Variants in DEPDC4 observed in about 807,000 individuals in gnomAD.
DEPDC4 encodes the protein DEP domain containing 4.
Under a neutral mutation model 52.0 loss-of-function variants are expected in DEPDC4, and 52 were observed. That is an observed-to-expected ratio of 1.00 (90% CI 0.80 to 1.26). DEPDC4 has a LOEUF of 1.26. Ranked by LOEUF, DEPDC4 falls within the 50% of genes most tolerant of loss-of-function variation. DEPDC4 has a pLI of 0.00. For synonymous variants in DEPDC4, 201 were observed against 196.8 expected (o/e 1.02, Z -0.18); for missense variants, 530 against 546.9 (o/e 0.97, Z 0.31).
intron 4 of DEPDC4, chr12:100,255,825 C>T (rs2096230100): frequency 3.2e-6 from 1 of 317,026 alleles, no homozygotes; most frequent in African/African-American, 2.1e-5. Flanking sequence ...AGATGATTGA[C>T]ATACAAATGA....
chr12:100,237,396 T>C (rs1264581863), downstream of DEPDC4, among the ~76,000 whole-genome samples: 2 of 152,038 alleles, frequency 1.3e-5, no homozygotes, highest in Admixed American at 6.6e-5. Context: ...TTAGTAGAGA[T>C]GGGTTTTCAC....
the DEPDC4 span, among the ~76,000 whole-genome samples, chr12:100,277,796 C>G: frequency 6.6e-6 from 1 of 151,938 alleles, no homozygotes; most frequent in Non-Finnish European, 1.5e-5. Context: ...TTTTCCGCTT[C>G]TTTTTATATT....
intron 7 of DEPDC4, among the ~76,000 whole-genome samples, chr12:100,251,945 A>G (rs943774911): frequency 6.6e-6 from 1 of 152,062 alleles, no homozygotes; most frequent in Non-Finnish European, 1.5e-5. Flanking sequence ...AGTGATCCAC[A>G]TGCCTCAGTC....
At chr12:100,248,655 T>C (rs899883172) in intron 8 of DEPDC4, among the ~76,000 whole-genome samples, 15 of 151,526 alleles carry the variant, frequency 9.9e-5, no homozygotes, top group Admixed American at 9.9e-4. Flanking sequence ...GAAGGGGAGG[T>C]GAGAATTGGG....
chr12:100,256,010 C>T, intron 4 of DEPDC4, 39 bp downstream of exon 4: 3 of 1,496,910 alleles, frequency 2.0e-6, no homozygotes, highest in Non-Finnish European at 2.7e-6. Flanking sequence ...GTGAAAAAAA[C>T]TGTTTACAAA....
chr12:100,234,465 G>A (rs763628709), intron 9 of DEPDC4, among the ~76,000 whole-genome samples: 5 of 152,202 alleles, frequency 3.3e-5, no homozygotes, highest in African/African-American at 1.2e-4. Flanking sequence ...GATGAAGGAT[G>A]AGGAACCTGA....
chr12:100,281,168 A>G, the DEPDC4 span, among the ~76,000 whole-genome samples: 2 of 151,576 alleles, frequency 1.3e-5, no homozygotes, highest in African/African-American at 2.4e-5. Context: ...AGCTGGGACT[A>G]CAGGCACATG....
At position 100,262,245 on chromosome 12, in the gene DEPDC4, A is replaced by T. The variant is rs757914683; in HGVS notation, c.700+19T>A. 2.5e-6 allele frequency: 4 copies of T among 1,597,112 alleles called. No homozygotes were observed. Among genetic ancestry groups the T allele is most frequent in the Non-Finnish European group, 8.5e-7 (1 of 1,174,976 alleles). Reference sequence around the variant, plus strand: ...GTTCTTCCTTACCATGTTCTGAAAAAATAATGAAAACAAATTACCTTCTTT... The same window carrying T: ...GTTCTTCCTTACCATGTTCTGAAAATATAATGAAAACAAATTACCTTCTTT... On this transcript the variant is annotated intron_variant, in intron 3 of 9. Coordinates refer to ENST00000550587, the MANE Select transcript of DEPDC4 (RefSeq NM_001364818.2).
chr12:100,262,490 A>T, intron 2 of DEPDC4, 81 bp from the exon 3 acceptor site: 1 of 1,126,446 alleles, frequency 8.9e-7, no homozygotes, highest in Non-Finnish European at 1.2e-6. Context: ...ATGTATTAAA[A>T]TTTATTCATA....
chr12:100,233,795 TC>T lies in DEPDC4; in HGVS notation c.*699+4172del, dbSNP rs561445805. Among the ~76,000 whole-genome samples, 19 of 152,310 alleles carry T rather than the reference TC, an allele frequency of 1.2e-4. No individual in the cohort carries two copies. The East Asian group carries it at 3.7e-3, about 29-fold the overall frequency. Reference sequence around the variant, plus strand: ...GTAGAGTGTACCGGAAGGAAAGATTTCCAGGAAAAAGATCTCAATAACAGAT... The same window carrying T: ...GTAGAGTGTACCGGAAGGAAAGATTTCAGGAAAAAGATCTCAATAACAGAT... On this transcript the variant is annotated intron_variant and NMD_transcript_variant, in intron 9 of 10. Coordinates refer to the DEPDC4 transcript ENST00000378244.
chr12:100,274,483 C>T, the DEPDC4 span, among the ~76,000 whole-genome samples: 80 of 152,230 alleles, frequency 5.3e-4, 1 homozygote, highest in African/African-American at 1.9e-3. Context: ...GTAGATAAGG[C>T]GTGGGTTCTT....
chr12:100,257,325 G>A (rs191070803), intron 3 of DEPDC4, among the ~76,000 whole-genome samples: 3 of 151,958 alleles, frequency 2.0e-5, no homozygotes, highest in African/African-American at 7.3e-5. Flanking sequence ...TGATCCACCC[G>A]CCTTGGCCTC....
At chr12:100,272,390 A>G in the DEPDC4 span, among the ~76,000 whole-genome samples, 2 of 152,150 alleles carry the variant, frequency 1.3e-5, no homozygotes, top group African/African-American at 2.4e-5. Context: ...GTTTAAGTTC[A>G]GGTCTTATTT....
chr12:100,257,166 T>A (rs1425436057), intron 3 of DEPDC4, among the ~76,000 whole-genome samples: 1 of 149,340 alleles, frequency 6.7e-6, no homozygotes, highest in Non-Finnish European at 1.5e-5. Context: ...GCAACTTCCA[T>A]CTCCCCGCTG....
chr12:100,281,745 A>G, the DEPDC4 span, among the ~76,000 whole-genome samples: 1 of 151,700 alleles, frequency 6.6e-6, no homozygotes, highest in Non-Finnish European at 1.5e-5. Context: ...GAGGCAGGAG[A>G]ATGGCGTGAA....
At chr12:100,278,693 G>GAT in the DEPDC4 span, among the ~76,000 whole-genome samples, 42 of 147,644 alleles carry the variant, frequency 2.8e-4, no homozygotes, top group South Asian at 7.3e-3. Flanking sequence ...GCAGTGGCGT[G>GAT]ATCTCGGCTT....
At chr12:100,275,435 A>G in the DEPDC4 span, among the ~76,000 whole-genome samples, 5 of 152,174 alleles carry the variant, frequency 3.3e-5, no homozygotes, top group African/African-American at 7.2e-5. Flanking sequence ...TACTCAAGCA[A>G]TCCTTCCACT....
At chr12:100,266,500 A>G (rs2096274071) in intron 1 of DEPDC4, among the ~76,000 whole-genome samples, 1 of 152,166 alleles carries the variant, frequency 6.6e-6, no homozygotes, top group African/African-American at 2.4e-5. Flanking sequence ...AGGCTAGATT[A>G]AAGAAATAAC....
At chr12:100,235,953 C>T (rs914782914), downstream of DEPDC4, among the ~76,000 whole-genome samples, 1 of 152,188 alleles carries the variant, frequency 6.6e-6, no homozygotes, top group Non-Finnish European at 1.5e-5. Flanking sequence ...TTTGGTTTCC[C>T]ATTCCTCAGT....
Sources: allele counts gnomAD v4.1 joint callset (sites outside exome capture counted in the v4.1 genomes callset), GRCh38; gene constraint gnomAD v4.1.1; transcripts MANE v1.5; gene names NCBI Gene and HGNC (gene_info 2026-07-23, HGNC 2026-07-21).